SRBD1: variants seen among roughly 807,000 people sequenced by gnomAD.
SRBD1 encodes S1 RNA binding domain 1.
SRBD1 carries 88 observed loss-of-function variants against 115.3 expected under a neutral mutation model. That is an observed-to-expected ratio of 0.76 (90% CI 0.64 to 0.91). The LOEUF is 0.91. Ranked by LOEUF, SRBD1 falls within the 40% of genes least tolerant of loss-of-function variation. SRBD1 has a pLI of 0.00. For synonymous variants in SRBD1, 509 were observed against 407.7 expected (o/e 1.25, Z -2.99); for missense variants, 1,385 against 1,177.4 (o/e 1.18, Z -2.58).
intron 19 of SRBD1, among the ~76,000 whole-genome samples, chr2:45,404,317 C>T (rs1353103095): frequency 6.6e-6 from 1 of 152,046 alleles, no homozygotes; most frequent in Non-Finnish European, 1.5e-5. Flanking sequence ...GTGTTTTGGA[C>T]TAAGAATATA....
intron 17 of SRBD1, among the ~76,000 whole-genome samples, 171 bp downstream of exon 17, chr2:45,419,617 T>C (rs1456320661): frequency 1.3e-5 from 2 of 152,250 alleles, no homozygotes; most frequent in African/African-American, 2.4e-5. Context: ...ATTGTTATAA[T>C]TCTTTTCTTA....
intron 14 of SRBD1, among the ~76,000 whole-genome samples, chr2:45,488,833 C>T (rs527515908): frequency 9.6e-4 from 146 of 151,718 alleles, no homozygotes; most frequent in Non-Finnish European, 1.6e-3. Flanking sequence ...ATTGTTATTA[C>T]CTGGTTATAA....
intron 9 of SRBD1, among the ~76,000 whole-genome samples, chr2:45,564,996 T>C (rs930822777): frequency 2.6e-5 from 4 of 152,146 alleles, no homozygotes; most frequent in Non-Finnish European, 4.4e-5. Context: ...TCTAAATAAA[T>C]ACCCATGAAC....
chr2:45,460,421 T>A (rs1235275661), intron 16 of SRBD1, among the ~76,000 whole-genome samples: 1 of 152,068 alleles, frequency 6.6e-6, no homozygotes, highest in African/African-American at 2.4e-5. Context: ...ACAAACCACC[T>A]CTTCAAAAGG....
chr2:45,539,954 G>C (rs1671881856), intron 14 of SRBD1, among the ~76,000 whole-genome samples: 2 of 152,088 alleles, frequency 1.3e-5, no homozygotes, highest in African/African-American at 4.8e-5. Flanking sequence ...TTTAAAAAAA[G>C]ACAGGCTTGA....
chr2:45,587,979 C>T (rs1010373172), intron 4 of SRBD1, among the ~76,000 whole-genome samples: 1 of 152,182 alleles, frequency 6.6e-6, no homozygotes, highest in Non-Finnish European at 1.5e-5. Flanking sequence ...ACTCCTTCAA[C>T]TCTTAAATCC....
intron 8 of SRBD1, among the ~76,000 whole-genome samples, chr2:45,574,264 A>C (rs758235318): frequency 3.3e-5 from 5 of 152,184 alleles, no homozygotes; most frequent in Non-Finnish European, 5.9e-5. Flanking sequence ...ATACTATAAA[A>C]TAAGCATACA....
intron 19 of SRBD1, among the ~76,000 whole-genome samples, chr2:45,410,701 A>C (rs981016213): frequency 6.6e-6 from 1 of 152,150 alleles, no homozygotes; most frequent in Middle Eastern, 3.2e-3. Flanking sequence ...CAGACCCCCA[A>C]CCTCCAGGGA....
intron 20 of SRBD1, among the ~76,000 whole-genome samples, chr2:45,392,507 T>G (rs1304297016): frequency 6.6e-6 from 1 of 152,236 alleles, no homozygotes; most frequent in African/African-American, 2.4e-5. Flanking sequence ...TATTATCTTA[T>G]TTGTTCAATG....
At chr2:45,534,063 G>A (rs987060064) in intron 14 of SRBD1, among the ~76,000 whole-genome samples, 4 of 151,838 alleles carry the variant, frequency 2.6e-5, no homozygotes, top group African/African-American at 9.7e-5. Flanking sequence ...TTGGACTTAC[G>A]AACACAAAAA....
chr2:45,589,967 G>A (rs1054878446), intron 4 of SRBD1, among the ~76,000 whole-genome samples: 2 of 152,152 alleles, frequency 1.3e-5, no homozygotes, highest in African/African-American at 4.8e-5. Context: ...TAAGACCACA[G>A]GAAAGGTGGA....
intron 14 of SRBD1, among the ~76,000 whole-genome samples, chr2:45,501,823 C>A (rs964599412): frequency 1.3e-5 from 2 of 152,268 alleles, no homozygotes; most frequent in East Asian, 1.9e-4. Flanking sequence ...CACCGCAGCT[C>A]AAGGAGGCCT....
rs1354209165 is a variant in SRBD1, at chr2:45,504,064, T to C, written c.1875-15733A>G. ...ACTATAAAATATTTTCAAATATTTA[T>C]GTTCCAATTCATGGATCTTATTGAT... On this transcript the variant is annotated intron_variant, in intron 14 of 20. Transcript: ENST00000263736. Among the ~76,000 whole-genome samples, 3 of 152,228 alleles carry C rather than the reference T, an allele frequency of 2.0e-5. No homozygotes were observed. The East Asian group carries it at 5.8e-4, about 29-fold the overall frequency.
chr2:45,401,945 TGAA>T (rs1180628026), intron 19 of SRBD1, among the ~76,000 whole-genome samples: 1 of 152,164 alleles, frequency 6.6e-6, no homozygotes, highest in Admixed American at 6.6e-5. Flanking sequence ...GGGAAGGCAA[TGAA>T]GACTCTGAAG....
chr2:45,473,691 T>A (rs1291121867), intron 16 of SRBD1, among the ~76,000 whole-genome samples: 1 of 141,538 alleles, frequency 7.1e-6, no homozygotes, highest in African/African-American at 2.5e-5. Context: ...TCTCATTCTT[T>A]CCTTTGCAGA....
intron 16 of SRBD1, among the ~76,000 whole-genome samples, chr2:45,466,675 A>C (rs1669498475): frequency 6.6e-6 from 1 of 152,222 alleles, no homozygotes; most frequent in African/African-American, 2.4e-5. Context: ...ACACATTTTC[A>C]GTTCTGTTCC....
At chr2:45,411,568 G>T (rs1049667778) in intron 19 of SRBD1, among the ~76,000 whole-genome samples, 1 of 152,162 alleles carries the variant, frequency 6.6e-6, no homozygotes, top group Non-Finnish European at 1.5e-5. Flanking sequence ...TAACTGATCG[G>T]AAGAGGTATA....
At position 45,585,725 on chromosome 2, in the gene SRBD1, ATGATGT is replaced by A; in HGVS notation, c.692_697del (p.Asn231_Ile232del). ...TGTGTTATCATCATTAAAGAGACGA[ATGATGT>A]TGGCACAAACCCAAGGTTCAATATT... On this transcript the variant is annotated inframe_deletion, in exon 5 of 21. Transcript: ENST00000263736. The A allele has an allele frequency of 3.1e-6, 5 of 1,611,908 alleles. No homozygotes were observed. Among genetic ancestry groups the A allele is most frequent in the Non-Finnish European group, 4.2e-6 (5 of 1,179,544 alleles).
chr2:45,488,346 A>G lies in SRBD1; in HGVS notation c.1875-15T>C. 6.2e-7 allele frequency: 1 copy of G among 1,608,142 alleles called. No individual in the cohort carries two copies. The highest frequency in any genetic ancestry group is 8.5e-7 in the Non-Finnish European group (1 of 1,175,142). On this transcript the variant is annotated splice_polypyrimidine_tract_variant and intron_variant, in intron 14 of 20. Coordinates refer to ENST00000263736, the MANE Select transcript of SRBD1 (RefSeq NM_018079.5). ...CACTGACGATACTGAGAAGACAGAA[A>G]AAGGGGAATATCACTTTCCTAACTT...
Sources: allele counts gnomAD v4.1 joint callset (sites outside exome capture counted in the v4.1 genomes callset), GRCh38; gene constraint gnomAD v4.1.1; transcripts MANE v1.5; gene names NCBI Gene and HGNC (gene_info 2026-07-23, HGNC 2026-07-21).